The following ZRANB3 variants were observed in gnomAD, a reference collection of about 807,000 sequenced individuals.
ZRANB3 encodes the protein DNA annealing helicase and endonuclease ZRANB3.
A neutral mutation model predicts 133.8 loss-of-function variants in ZRANB3; 125 were observed. That is an observed-to-expected ratio of 0.93 (90% CI 0.81 to 1.08). The LOEUF (loss-of-function observed/expected upper bound fraction) is 1.08. Among genes scored for constraint, ZRANB3 ranks in the 50% least tolerant of loss-of-function variants. The pLI is 0.00. For synonymous variants in ZRANB3, 387 were observed against 432.7 expected (o/e 0.89, Z 1.31); for missense variants, 1,229 against 1,275.5 (o/e 0.96, Z 0.56).
At chr2:135,245,343 C>T (rs2105088093) in intron 12 of ZRANB3, among the ~76,000 whole-genome samples, 1 of 152,282 alleles carries the variant, frequency 6.6e-6, no homozygotes, top group East Asian at 1.9e-4. Flanking sequence ...TGACATTTAG[C>T]AGCTATGACT....
intron 8 of ZRANB3, among the ~76,000 whole-genome samples, chr2:135,298,854 G>T (rs533763101): frequency 7.2e-5 from 11 of 152,302 alleles, no homozygotes; most frequent in African/African-American, 2.4e-4. Context: ...AGGTTAGCCA[G>T]GATGTTACAG....
intron 1 of ZRANB3, among the ~76,000 whole-genome samples, chr2:135,525,848 CAA>C (rs557386914): frequency 1.6e-4 from 11 of 66,998 alleles, no homozygotes; most frequent in Admixed American, 3.1e-4. Context: ...AACTCTGTCT[CAA>C]AAAAAAAAAA....
intron 2 of ZRANB3, among the ~76,000 whole-genome samples, chr2:135,457,134 T>C (rs942156418): frequency 6.6e-6 from 1 of 152,208 alleles, no homozygotes; most frequent in Non-Finnish European, 1.5e-5. Context: ...GGTTCATACA[T>C]GTGATACAGT....
At chr2:135,306,480 G>C (rs1682708848) in intron 8 of ZRANB3, among the ~76,000 whole-genome samples, 1 of 150,372 alleles carries the variant, frequency 6.7e-6, no homozygotes, top group African/African-American at 2.5e-5. Context: ...TTTTAGTGGA[G>C]ACAGGGTTTC....
intron 8 of ZRANB3, among the ~76,000 whole-genome samples, chr2:135,290,452 T>C (rs767563806): frequency 6.6e-6 from 1 of 152,228 alleles, no homozygotes; most frequent in Non-Finnish European, 1.5e-5. Flanking sequence ...ATGGACTATC[T>C]TTTTGCACCG....
At chr2:135,516,449 T>A (rs1693702478) in intron 1 of ZRANB3, among the ~76,000 whole-genome samples, 1 of 152,238 alleles carries the variant, frequency 6.6e-6, no homozygotes, top group African/African-American at 2.4e-5. Flanking sequence ...GGAGCTCTTG[T>A]AAGGCAGGCC....
At chr2:135,250,267 C>CA (rs1227673289) in intron 12 of ZRANB3, among the ~76,000 whole-genome samples, 7 of 152,102 alleles carry the variant, frequency 4.6e-5, no homozygotes, top group Non-Finnish European at 1.0e-4. Context: ...TTCTAAGGAG[C>CA]AAAGCATTTA....
In ZRANB3 at chr2:135,284,103, C is replaced by G. The variant is rs190159294; in HGVS notation, c.967-8348G>C. 1.2e-4 allele frequency among the ~76,000 whole-genome samples: 18 copies of G among 152,332 alleles called. No homozygotes were observed. In the East Asian group the frequency reaches 3.1e-3, roughly 26 times the overall value. On this transcript the variant is annotated intron_variant, in intron 8 of 20. Coordinates refer to ENST00000264159, the MANE Select transcript of ZRANB3 (RefSeq NM_032143.4). ...TAAGCACATGGACTGTGGAGCCAGA[C>G]AGTCTGGGTTTGAATCCTAGCTCCA...
At chr2:135,366,814 C>T (rs892793090) in intron 3 of ZRANB3, among the ~76,000 whole-genome samples, 15 of 151,796 alleles carry the variant, frequency 9.9e-5, no homozygotes, top group African/African-American at 2.9e-4. Flanking sequence ...GTCAGGAGAT[C>T]GAGACCATCC....
intron 9 of ZRANB3, among the ~76,000 whole-genome samples, chr2:135,273,183 C>CAAAAAAAA (rs1330250618): frequency 2.5e-5 from 2 of 78,984 alleles, no homozygotes; most frequent in Non-Finnish European, 2.6e-5. Context: ...GAGACTGTCT[C>CAAAAAAAA]AAAAAAAAAA....
At chr2:135,260,657 A>T (rs989547194) in intron 12 of ZRANB3, among the ~76,000 whole-genome samples, 11 of 146,714 alleles carry the variant, frequency 7.5e-5, no homozygotes, top group Admixed American at 1.4e-4. Flanking sequence ...TACTATATAT[A>T]CTTGAATTTA....
In ZRANB3 at chr2:135,207,787, C is replaced by G; in HGVS notation, c.2656G>C (p.Val886Leu). ...GGCTTCACAGTGAGATCTGCCTGGA[C>G]TGTGTATGGATTTAGAAATGGGACA... ...ACVPFLNPYTVQADLTVKPST... is the reference protein window; with the variant it reads ...ACVPFLNPYTLQADLTVKPST... Residue 886 changes from valine to leucine, a missense_variant, in exon 19 of 21, where the codon GTC becomes CTC. Coordinates refer to ENST00000264159, the MANE Select transcript of ZRANB3 (RefSeq NM_032143.4). 6.2e-7 allele frequency: 1 copy of G among 1,612,270 alleles called. No homozygotes were observed. The highest frequency in any genetic ancestry group is 1.3e-5 in the African/African-American group (1 of 75,000).
chr2:135,413,544 C>T (rs1214799266), intron 2 of ZRANB3, among the ~76,000 whole-genome samples: 1 of 152,124 alleles, frequency 6.6e-6, no homozygotes, highest in East Asian at 1.9e-4. Flanking sequence ...ACTATCTCTC[C>T]TCATTTGATC....
At chr2:135,482,857 T>G (rs932841104) in intron 2 of ZRANB3, among the ~76,000 whole-genome samples, 5 of 152,264 alleles carry the variant, frequency 3.3e-5, no homozygotes, top group African/African-American at 1.2e-4. Flanking sequence ...AGGCTTTTTC[T>G]GCATCTATTG....
intron 12 of ZRANB3, chr2:135,238,932 T>C (rs893322617): frequency 6.6e-6 from 1 of 152,144 alleles, no homozygotes; most frequent in Admixed American, 6.6e-5. Context: ...GGCATGGGTG[T>C]CTTCCATCAA....
At chr2:135,495,175 C>T (rs1302940104) in intron 2 of ZRANB3, among the ~76,000 whole-genome samples, 1 of 151,978 alleles carries the variant, frequency 6.6e-6, no homozygotes, top group Non-Finnish European at 1.5e-5. Context: ...TTACAGTGAG[C>T]TATGATTGTG....
chr2:135,407,728 T>A (rs988934317), intron 2 of ZRANB3, among the ~76,000 whole-genome samples: 2 of 151,514 alleles, frequency 1.3e-5, no homozygotes, highest in African/African-American at 4.9e-5. Flanking sequence ...GGGGAAAGGA[T>A]TCCCTATTTA....
At chr2:135,523,991 G>A (rs1694048126) in intron 1 of ZRANB3, among the ~76,000 whole-genome samples, 1 of 152,134 alleles carries the variant, frequency 6.6e-6, no homozygotes, top group African/African-American at 2.4e-5. Flanking sequence ...TCTCCTGGAA[G>A]CCACCTACAA....
intron 12 of ZRANB3, among the ~76,000 whole-genome samples, chr2:135,240,967 T>G (rs1442091146): frequency 6.6e-6 from 1 of 152,210 alleles, no homozygotes; most frequent in African/African-American, 2.4e-5. Flanking sequence ...ACATTTTTGC[T>G]TTCTTTTAGG....
Sources: allele counts gnomAD v4.1 joint callset (sites outside exome capture counted in the v4.1 genomes callset), GRCh38; gene constraint gnomAD v4.1.1; transcripts MANE v1.5; gene names NCBI Gene and HGNC (gene_info 2026-07-23, HGNC 2026-07-21).